GPR55: variants seen among roughly 807,000 people sequenced by gnomAD.
GPR55 encodes G protein-coupled receptor 55.
In GPR55, 6 loss-of-function variants were observed where a neutral mutation model predicts 7.9. The observed-to-expected ratio is 0.76, with a 90% confidence interval of 0.41 to 1.49. GPR55 has a LOEUF of 1.49. GPR55 is among the 40% of genes most tolerant of loss of function. The pLI is 0.01. For synonymous variants in GPR55, 183 were observed against 166.8 expected, an observed-to-expected ratio of 1.10 and a Z score of -0.75; for missense variants, 376 against 406.0, an observed-to-expected ratio of 0.93 and a Z score of 0.63.
chr2:230,916,915 T>C (rs147665982), intron 1 of GPR55, among the ~76,000 whole-genome samples: 137 of 152,290 alleles, frequency 9.0e-4, no homozygotes, highest in African/African-American at 3.0e-3. Flanking sequence ...TTTATTAATA[T>C]TCTCAATTCA....
At chr2:230,936,034 TAAAG>T (rs1691126167) in intron 1 of GPR55, among the ~76,000 whole-genome samples, 1 of 151,858 alleles carries the variant, frequency 6.6e-6, no homozygotes, top group Non-Finnish European at 1.5e-5. Flanking sequence ...TGTGAGAAAA[TAAAG>T]AGTGAACTGT....
At chr2:230,914,129 AAAGTCC>A (rs1300641809) in intron 1 of GPR55, among the ~76,000 whole-genome samples, 1 of 151,252 alleles carries the variant, frequency 6.6e-6, no homozygotes, top group Non-Finnish European at 1.5e-5. Context: ...GGTGATGCTC[AAAGTCC>A]AACCCAAACC....
rs887893191 is a variant in GPR55, at chr2:230,944,832, C to T, written c.-135+15943G>A. Among the ~76,000 whole-genome samples, 8 of 152,232 alleles carry T rather than the reference C, an allele frequency of 5.3e-5. No individual in the cohort carries two copies. Among genetic ancestry groups the T allele is most frequent in the African/African-American group, 1.9e-4 (8 of 41,476 alleles). On this transcript the variant is annotated intron_variant, in intron 1 of 1. Transcript: ENST00000392039. This position sits in a 1 kb window ranked among gnomAD's most constrained non-coding sequence, Gnocchi z 4.2. ...AAGACAAGGAAGGCCCATTGCCTGC[C>T]CTCATGCTGGTTGTTCAGCCCTCCA...
chr2:230,954,299 A>T (rs73995429), intron 1 of GPR55, among the ~76,000 whole-genome samples: 1 of 152,196 alleles, frequency 6.6e-6, no homozygotes, highest in Non-Finnish European at 1.5e-5. Context: ...GTGTTTCCAC[A>T]GTGACAGAGC....
chr2:230,919,323 C>A (rs925696408), intron 1 of GPR55, among the ~76,000 whole-genome samples: 4 of 152,084 alleles, frequency 2.6e-5, no homozygotes, highest in Non-Finnish European at 5.9e-5. Flanking sequence ...AAAAAAAATT[C>A]TTTTTGCTAA....
At chr2:230,915,563 G>A (rs1690692153) in intron 1 of GPR55, among the ~76,000 whole-genome samples, 1 of 152,176 alleles carries the variant, frequency 6.6e-6, no homozygotes, top group African/African-American at 2.4e-5. Context: ...TGGCTGAGAG[G>A]TGGGGCTGAA....
At chr2:230,947,536 CTCTG>C (rs1691338470) in intron 1 of GPR55, among the ~76,000 whole-genome samples, 1 of 146,860 alleles carries the variant, frequency 6.8e-6, no homozygotes. Flanking sequence ...CAGGGTCTCA[CTCTG>C]TCTCTCAGGC....
In GPR55 at chr2:230,910,598, G is replaced by T; in HGVS notation, c.365C>A (p.Ala122Asp). The T allele has an allele frequency of 6.2e-7, 1 of 1,613,960 alleles. No individual in the cohort carries two copies. Among genetic ancestry groups the T allele is most frequent in the Non-Finnish European group, 8.5e-7 (1 of 1,179,938 alleles). Reference sequence around the variant, plus strand: ...GCTCACCAGTAGCGGGTAACGGATGGCCAAGAACCGGTCCATGCTGATGAA... The same window carrying T: ...GCTCACCAGTAGCGGGTAACGGATGTCCAAGAACCGGTCCATGCTGATGAA... ...ICFISMDRFL[A>D]IRYPLLVSHL... The change falls in exon 2 of 2, where the codon GCC becomes GAC. Residue 122 changes from alanine (A) to aspartate (D), a missense_variant. Ala to Asp is a moderately radical substitution (Grantham distance 126). Coordinates refer to ENST00000650999, the MANE Select transcript of GPR55 (RefSeq NM_005683.4). This position sits in a 1 kb window ranked among gnomAD's most constrained non-coding sequence, Gnocchi z 5.4.
chr2:230,955,900 A>C (rs1691474914), intron 1 of GPR55, among the ~76,000 whole-genome samples: 1 of 151,928 alleles, frequency 6.6e-6, no homozygotes, highest in Non-Finnish European at 1.5e-5. Context: ...CTAATTTTAA[A>C]TTGTTTTGTA....
chr2:230,911,548 A>G (rs1690593000), intron 1 of GPR55, among the ~76,000 whole-genome samples: 1 of 152,208 alleles, frequency 6.6e-6, no homozygotes, highest in Non-Finnish European at 1.5e-5. Context: ...TGGTTAGTTC[A>G]TTGGTTCAGG....
chr2:230,923,054 G>A lies in GPR55; in HGVS notation c.-135+2114C>T, dbSNP rs113296345. Among the ~76,000 whole-genome samples the A allele has an allele frequency of 0.018, 2,745 of 152,234 alleles. 43 individuals carry two copies. The highest frequency in any genetic ancestry group is 0.044 in the Middle Eastern group (13 of 294). On this transcript the variant is annotated intron_variant, in intron 1 of 1. Transcript: ENST00000650999. This position sits in a 1 kb window ranked among gnomAD's most constrained non-coding sequence, Gnocchi z 4.1. The stretch of plus-strand genomic sequence containing the variant: ...TACACATTCTGCAGCTGGGATTCCC[G>A]CAACTGCCAGTGGTCCATGGTACCC...
In GPR55 at chr2:230,923,257, A is replaced by AG. The variant is rs1304492900; in HGVS notation, c.-135+1910dup. ...CAACAAGAAGATCACAACCCTAAGG[A>AG]GGGTTGCAACTGAGAAGGTGGCCCT... On this transcript the variant is annotated intron_variant, in intron 1 of 1. Transcript: ENST00000650999. This position sits in a 1 kb window ranked among gnomAD's most constrained non-coding sequence, Gnocchi z 4.1. Among the ~76,000 whole-genome samples the AG allele has an allele frequency of 6.6e-6, 1 of 152,092 alleles. No individual in the cohort carries two copies. The highest frequency in any genetic ancestry group is 1.9e-4 in the East Asian group (1 of 5,192).
rs533689560 is a variant in GPR55 at position 230,924,814 on chromosome 2, C to A, written c.-135+354G>T. Among the ~76,000 whole-genome samples the A allele has an allele frequency of 1.3e-5, 2 of 152,164 alleles. No individual in the cohort carries two copies. Among genetic ancestry groups the A allele is most frequent in the East Asian group, 3.9e-4 (2 of 5,166 alleles). On this transcript the variant is annotated intron_variant, in intron 1 of 1. Transcript: ENST00000650999. The surrounding 1 kb of genome is among the most constrained non-coding windows in gnomAD (Gnocchi z 4.5). ...GCGGGCTTGGTGGAGGGCGGTGGCA[C>A]GTGAGCTACATGCCCCGGGAAGGCT...
chr2:230,931,989 G>C (rs530450925), intron 1 of GPR55, among the ~76,000 whole-genome samples: 20 of 151,956 alleles, frequency 1.3e-4, no homozygotes, highest in African/African-American at 3.9e-4. Context: ...CGGTCCCGTC[G>C]AGGCCACTCC....
chr2:230,938,852 G>C (rs1244172465), intron 1 of GPR55, among the ~76,000 whole-genome samples: 2 of 152,204 alleles, frequency 1.3e-5, no homozygotes, highest in Non-Finnish European at 2.9e-5. Flanking sequence ...GTTCATGAGA[G>C]CCTCGAGTCT....
chr2:230,930,719 C>G lies in GPR55; in HGVS notation c.-134-19623G>C, dbSNP rs1691022935. Among the ~76,000 whole-genome samples the G allele has an allele frequency of 2.0e-5, 3 of 152,172 alleles. No homozygotes were observed. In the South Asian group the frequency reaches 6.2e-4, roughly 32 times the overall value. On this transcript the variant is annotated intron_variant, in intron 1 of 1. Transcript: ENST00000392039. ...AGCTCAAGCAATCCACCCACCTCAG[C>G]CTCCCAAAATGTTGGAATTACAGGC...
intron 1 of GPR55, among the ~76,000 whole-genome samples, chr2:230,940,483 A>G (rs1003629687): frequency 3.9e-5 from 6 of 152,204 alleles, no homozygotes; most frequent in African/African-American, 1.2e-4. Context: ...GGCGCTTATC[A>G]AGACTGAGAA....
At position 230,944,081 on chromosome 2, in the gene GPR55, A is replaced by AAGTG. The variant is rs555198863; in HGVS notation, c.-135+16690_-135+16693dup. On this transcript the variant is annotated intron_variant, in intron 1 of 1. Transcript: ENST00000392039. The surrounding 1 kb of genome is among the most constrained non-coding windows in gnomAD (Gnocchi z 4.2). ...AGGAGGAGGACCAGCAAGAGTAGTG[A>AAGTG]AGTGAGAAGCCTCTCCATGAAGATG... 1.2e-3 allele frequency among the ~76,000 whole-genome samples: 178 copies of AAGTG among 152,322 alleles called. 1 individual carries two copies. Among genetic ancestry groups the AAGTG allele is most frequent in the Non-Finnish European group, 1.8e-3 (123 of 68,028 alleles).
At chr2:230,957,105 A>G (rs963839349) in intron 1 of GPR55, among the ~76,000 whole-genome samples, 2 of 152,220 alleles carry the variant, frequency 1.3e-5, no homozygotes, top group Non-Finnish European at 2.9e-5. Flanking sequence ...AGTCTGAGGT[A>G]CAACAGCAAA....
Sources: gnomAD v4.1 joint callset for allele counts (sites outside exome capture counted in the v4.1 genomes callset) on GRCh38, gnomAD v4.1.1 for gene constraint, Gnocchi (gnomAD v3.1) non-coding constraint, MANE v1.5 for transcripts, NCBI Gene and HGNC (gene_info 2026-07-23, HGNC 2026-07-21) for gene names.